ASAP1: variants seen among roughly 807,000 people sequenced by gnomAD.
ASAP1 encodes the protein arf-GAP with SH3 domain, ANK repeat and PH domain-containing protein 1.
Under a neutral mutation model 145.2 loss-of-function variants are expected in ASAP1, and 43 were observed. The ratio of observed to expected loss-of-function variants is 0.30; its 90% CI spans 0.23 to 0.38. The LOEUF (loss-of-function observed/expected upper bound fraction) is 0.38, where lower values mean the gene tolerates loss of function less well. ASAP1 is among the 10% of genes least tolerant of loss of function. ASAP1 has a pLI of 1.00. For synonymous variants in ASAP1, 546 were observed against 515.5 expected (o/e 1.06, Z -0.80); for missense variants, 1,018 against 1,355.3 (o/e 0.75, Z 3.91).
intron 3 of ASAP1, among the ~76,000 whole-genome samples, chr8:130,240,161 CG>C (rs1206994940): frequency 1.3e-5 from 2 of 152,026 alleles, no homozygotes; most frequent in Non-Finnish European, 2.9e-5. Context: ...TGGGGGGGAG[CG>C]GGTACAGTCT....
intron 2 of ASAP1, among the ~76,000 whole-genome samples, chr8:130,388,390 A>G (rs7011509): frequency 0.34 from 51,740 of 152,018 alleles, 9,530 homozygotes; most frequent in African/African-American, 0.48. Flanking sequence ...ATGAGCTGCA[A>G]GAGGAGTGAG....
chr8:130,400,252 G>A (rs1828724917), intron 2 of ASAP1, among the ~76,000 whole-genome samples: 1 of 152,172 alleles, frequency 6.6e-6, no homozygotes, highest in African/African-American at 2.4e-5. Context: ...GGTCAACCCT[G>A]TGCCAGTCAG....
chr8:130,161,909 T>G (rs1001104258), intron 11 of ASAP1, among the ~76,000 whole-genome samples: 8 of 152,172 alleles, frequency 5.3e-5, no homozygotes, highest in Admixed American at 3.3e-4. Context: ...GAAATGAGTC[T>G]CTCGCCTCAG....
At chr8:130,379,982 G>A (rs1827690274) in intron 2 of ASAP1, among the ~76,000 whole-genome samples, 1 of 152,112 alleles carries the variant, frequency 6.6e-6, no homozygotes, top group East Asian at 1.9e-4. Context: ...ATCCCCCTGC[G>A]ACCTCACCCT....
chr8:130,105,146 T>A (rs1178615387), intron 24 of ASAP1, among the ~76,000 whole-genome samples: 1 of 152,202 alleles, frequency 6.6e-6, no homozygotes, highest in Non-Finnish European at 1.5e-5. Flanking sequence ...GTTCTGCATC[T>A]GCAGGTTCAA....
intron 9 of ASAP1, among the ~76,000 whole-genome samples, chr8:130,173,851 T>C (rs1310365243): frequency 6.6e-6 from 1 of 151,252 alleles, no homozygotes; most frequent in Non-Finnish European, 1.5e-5. Context: ...GATGGGTAGA[T>C]TGCCTGAGCT....
At chr8:130,234,529 C>A (rs895882815) in intron 4 of ASAP1, among the ~76,000 whole-genome samples, 3 of 152,116 alleles carry the variant, frequency 2.0e-5, no homozygotes, top group Non-Finnish European at 4.4e-5. Context: ...AACAATCTCT[C>A]CCTTCTGTCA....
At chr8:130,160,834 G>A (rs1346959272) in intron 11 of ASAP1, 1 of 1,267,084 alleles carries the variant, frequency 7.9e-7, no homozygotes, top group East Asian at 5.6e-5. Context: ...AAAAAAGGCA[G>A]AACATTTGAA....
intron 3 of ASAP1, among the ~76,000 whole-genome samples, chr8:130,240,150 G>C (rs1285367696): frequency 6.6e-6 from 1 of 152,090 alleles, no homozygotes; most frequent in Non-Finnish European, 1.5e-5. Context: ...ACTTCCTTTT[G>C]TGGGGGGGAG....
At chr8:130,083,148 G>C (rs942850305) in intron 25 of ASAP1, 1 of 152,208 alleles carries the variant, frequency 6.6e-6, no homozygotes, top group Admixed American at 6.5e-5. Flanking sequence ...TCACACAGAC[G>C]AGTCATCATG....
At chr8:130,193,393 G>A (rs1247952786) in intron 5 of ASAP1, among the ~76,000 whole-genome samples, 1 of 150,682 alleles carries the variant, frequency 6.6e-6, no homozygotes, top group African/African-American at 2.4e-5. Context: ...AAAAACAAAA[G>A]ACAAAAAAAA....
At chr8:130,163,816 C>T (rs2097674523) in intron 11 of ASAP1, among the ~76,000 whole-genome samples, 1 of 152,190 alleles carries the variant, frequency 6.6e-6, no homozygotes, top group South Asian at 2.1e-4. Context: ...AAACATAAAA[C>T]ATAAACAATG....
chr8:130,412,471 T>G (rs963628671), intron 1 of ASAP1, among the ~76,000 whole-genome samples: 7 of 151,834 alleles, frequency 4.6e-5, no homozygotes, highest in African/African-American at 1.5e-4. Context: ...TGATTTTAAG[T>G]TTTTTGAGGC....
chr8:130,318,873 T>C (rs1007515194), intron 3 of ASAP1, among the ~76,000 whole-genome samples: 3 of 152,086 alleles, frequency 2.0e-5, no homozygotes, highest in Admixed American at 6.5e-5. Flanking sequence ...GACAAAGCAA[T>C]GGGGCCTTCA....
At chr8:130,436,439 G>A (rs567599898) in intron 1 of ASAP1, among the ~76,000 whole-genome samples, 1 of 152,238 alleles carries the variant, frequency 6.6e-6, no homozygotes, top group East Asian at 1.9e-4. Flanking sequence ...GGGACTACAG[G>A]AGTGCACCAC....
At chr8:130,152,984 T>C (rs1434920874) in intron 12 of ASAP1, among the ~76,000 whole-genome samples, 179 bp from the exon 13 acceptor site, 1 of 152,042 alleles carries the variant, frequency 6.6e-6, no homozygotes, top group Non-Finnish European at 1.5e-5. Flanking sequence ...TTCACACAAG[T>C]AGCCATGTAC....
chr8:130,133,453 G>C (rs1000792388), intron 15 of ASAP1, among the ~76,000 whole-genome samples: 41 of 151,602 alleles, frequency 2.7e-4, no homozygotes, highest in African/African-American at 8.7e-4. Flanking sequence ...TCAGGAGATC[G>C]AGACCATCCT....
intron 1 of ASAP1, among the ~76,000 whole-genome samples, chr8:130,426,072 G>A (rs527568390): frequency 1.2e-4 from 19 of 152,320 alleles, no homozygotes; most frequent in African/African-American, 4.3e-4. Flanking sequence ...AGTGTCGGAG[G>A]AGGGGCCTTG....
At chr8:130,118,276 T>G in intron 19 of ASAP1, 30 bp from the exon 20 acceptor site, 2 of 1,601,638 alleles carry the variant, frequency 1.2e-6, no homozygotes, top group Non-Finnish European at 1.7e-6. Flanking sequence ...TATAAGTAAG[T>G]CAATAATATG....
Sources: gnomAD v4.1 joint callset for allele counts (sites outside exome capture counted in the v4.1 genomes callset) on GRCh38, gnomAD v4.1.1 for gene constraint, MANE v1.5 for transcripts, NCBI Gene and HGNC (gene_info 2026-07-23, HGNC 2026-07-21) for gene names.